Variants in PDE4D observed in about 807,000 individuals in gnomAD.
PDE4D encodes 3',5'-cyclic-AMP phosphodiesterase 4D.
PDE4D carries 24 observed loss-of-function variants against 87.4 expected under a neutral mutation model. The observed-to-expected ratio is 0.27, with a 90% confidence interval of 0.20 to 0.39. PDE4D has a LOEUF of 0.39. Ranked by LOEUF, PDE4D falls within the 10% of genes least tolerant of loss-of-function variation. The pLI, the probability that PDE4D is intolerant of heterozygous loss-of-function variation, is 1.00. For synonymous variants in PDE4D, 384 were observed against 383.2 expected (o/e 1.00, Z -0.02); for missense variants, 714 against 1,041.0 (o/e 0.69, Z 4.32).
Position 59,071,968 on chromosome 5 carries a change from C to T in PDE4D, c.809-32997G>A, listed in dbSNP as rs1024237208. ...CCTCCCGAAGTGTTGGGATTACAGG[C>T]GTGAGCCACCGCGCCCGGCCAACAT... On this transcript the variant is annotated intron_variant, in intron 5 of 14. Transcript: ENST00000340635. Among the ~76,000 whole-genome samples, 13 of 152,208 alleles carry T rather than the reference C, an allele frequency of 8.5e-5. No individual in the cohort carries two copies. The East Asian group carries it at 1.5e-3, about 18-fold the overall frequency.
At position 59,094,357 on chromosome 5, in the gene PDE4D, A is replaced by T. The variant is rs190462686; in HGVS notation, c.809-55386T>A. Among the ~76,000 whole-genome samples the T allele has an allele frequency of 1.4e-3, 218 of 151,998 alleles. 1 individual carries two copies. The highest frequency in any genetic ancestry group is 5.0e-3 in the African/African-American group (206 of 41,548). On this transcript the variant is annotated intron_variant, in intron 5 of 14. Transcript: ENST00000340635. ...AACAAATCTTCTAGAAGACCAAAAA[A>T]CAAAAAGACAAAAAAGGAAGAAAAC...
intron 5 of PDE4D, among the ~76,000 whole-genome samples, chr5:59,094,096 T>C (rs1769238248): frequency 6.6e-6 from 1 of 151,602 alleles, no homozygotes; most frequent in South Asian, 2.1e-4. Flanking sequence ...CATGCTCCTG[T>C]AGTCCCAGTT....
chr5:60,469,213 T>C (rs899150957), intron 1 of PDE4D, among the ~76,000 whole-genome samples: 3 of 152,144 alleles, frequency 2.0e-5, no homozygotes, highest in African/African-American at 7.2e-5. Context: ...TGCTCTGAAT[T>C]TGTCTGCCTT....
At chr5:60,265,568 A>T (rs952565805) in intron 1 of PDE4D, among the ~76,000 whole-genome samples, 4 of 152,188 alleles carry the variant, frequency 2.6e-5, no homozygotes, top group African/African-American at 7.2e-5. Flanking sequence ...AACCTGACAC[A>T]GTGGCAGAGC....
intron 1 of PDE4D, among the ~76,000 whole-genome samples, chr5:59,825,124 G>A (rs1342941579): frequency 1.3e-5 from 2 of 152,120 alleles, no homozygotes; most frequent in Non-Finnish European, 2.9e-5. Flanking sequence ...TATCTCAACT[G>A]TCCTTACCCC....
rs189548584 is a variant in PDE4D at position 59,653,351 on chromosome 5, C to A, written c.455+239817G>T. On this transcript the variant is annotated intron_variant, in intron 1 of 14. Transcript: ENST00000340635. Reference sequence around the variant, plus strand: ...CCAGAGTAGCTGGGACTACAGGCGCCCGCCACCACGCCTGGCTAATTTTTG... The same window carrying A: ...CCAGAGTAGCTGGGACTACAGGCGCACGCCACCACGCCTGGCTAATTTTTG... Among the ~76,000 whole-genome samples the A allele has an allele frequency of 3.3e-3, 502 of 152,040 alleles. 4 individuals carry two copies. The highest frequency in any genetic ancestry group is 0.011 in the African/African-American group (465 of 41,482).
chr5:58,989,796 C>T lies in PDE4D; in HGVS notation c.1411G>A (p.Val471Ile). 6.2e-7 allele frequency: 1 copy of T among 1,611,212 alleles called. No homozygotes were observed. Among genetic ancestry groups the T allele is most frequent in the South Asian group, 1.1e-5 (1 of 90,724 alleles). Residue 471 changes from valine (V) to isoleucine (I), a missense_variant, in exon 10 of 15, where the codon GTC becomes ATC. Transcript: ENST00000340635. ...GATAATAGCACATGAGTAGACTGGA[C>T]AACATCTGCAGCATGGATATTGTTG... ...YHNNIHAADV[V>I]QSTHVLLSTP...
At chr5:59,922,862 C>T (rs1754824190) in intron 3 of PDE4D, among the ~76,000 whole-genome samples, 1 of 152,028 alleles carries the variant, frequency 6.6e-6, no homozygotes, top group Non-Finnish European at 1.5e-5. Flanking sequence ...TTAGCTTAGG[C>T]TCCAGCTCAG....
At chr5:59,721,272 CT>C (rs1755789971) in intron 1 of PDE4D, among the ~76,000 whole-genome samples, 2 of 152,068 alleles carry the variant, frequency 1.3e-5, no homozygotes, top group Admixed American at 1.3e-4. Flanking sequence ...TATTTCTCTT[CT>C]ATTGTCAACC....
At chr5:58,984,795 T>A (rs1212616485) in intron 11 of PDE4D, among the ~76,000 whole-genome samples, 4 of 152,246 alleles carry the variant, frequency 2.6e-5, no homozygotes, top group African/African-American at 9.6e-5. Flanking sequence ...AAGTAAAATT[T>A]AATGCTATAT....
At chr5:60,340,763 T>G (rs1211823864) in intron 1 of PDE4D, among the ~76,000 whole-genome samples, 1 of 152,108 alleles carries the variant, frequency 6.6e-6, no homozygotes, top group Non-Finnish European at 1.5e-5. Context: ...AGAGAAGAGT[T>G]TAAACAATCC....
chr5:59,222,077 T>TG (rs1177941837), intron 1 of PDE4D, among the ~76,000 whole-genome samples: 1 of 152,140 alleles, frequency 6.6e-6, no homozygotes, highest in Non-Finnish European at 1.5e-5. Flanking sequence ...TCCTTTTCTA[T>TG]GGAACCAGCC....
At chr5:60,192,660 A>G (rs955665487) in intron 1 of PDE4D, among the ~76,000 whole-genome samples, 4 of 152,200 alleles carry the variant, frequency 2.6e-5, no homozygotes, top group Admixed American at 2.6e-4. Context: ...AGGCAGGATT[A>G]AAGTTGTATG....
intron 1 of PDE4D, among the ~76,000 whole-genome samples, chr5:59,743,329 A>C (rs916929050): frequency 8.5e-5 from 13 of 152,180 alleles, no homozygotes; most frequent in Non-Finnish European, 2.9e-5. Flanking sequence ...TCTATTCAAA[A>C]CATTTTAGAA....
intron 1 of PDE4D, among the ~76,000 whole-genome samples, chr5:60,314,560 T>C (rs1016639898): frequency 6.6e-6 from 1 of 152,150 alleles, no homozygotes; most frequent in African/African-American, 2.4e-5. Context: ...TGTGTATACA[T>C]GTGCCATGTT....
intron 1 of PDE4D, among the ~76,000 whole-genome samples, chr5:60,251,915 T>C (rs1748512960): frequency 6.6e-6 from 1 of 151,960 alleles, no homozygotes; most frequent in Non-Finnish European, 1.5e-5. Context: ...ATGGTAAGTG[T>C]CCTATACAGA....
At chr5:59,069,970 C>A (rs893150769) in intron 5 of PDE4D, among the ~76,000 whole-genome samples, 1 of 152,086 alleles carries the variant, frequency 6.6e-6, no homozygotes, top group Admixed American at 6.6e-5. Context: ...TATCTCCAGT[C>A]TTTCTAGAAG....
intron 5 of PDE4D, among the ~76,000 whole-genome samples, chr5:59,097,139 A>C (rs996232870): frequency 9.9e-5 from 15 of 152,218 alleles, no homozygotes; most frequent in African/African-American, 3.1e-4. Context: ...GGCAAATGAC[A>C]AGGATTGTGA....
chr5:60,441,457 C>T (rs1247230946), intron 1 of PDE4D, among the ~76,000 whole-genome samples: 1 of 152,002 alleles, frequency 6.6e-6, no homozygotes. Flanking sequence ...TGAAGACCTA[C>T]ACGTAAGACC....
Sources: gnomAD v4.1 joint callset for allele counts (sites outside exome capture counted in the v4.1 genomes callset) on GRCh38, gnomAD v4.1.1 for gene constraint, MANE v1.5 for transcripts, NCBI Gene and HGNC (gene_info 2026-07-23, HGNC 2026-07-21) for gene names.